Variants in CHRNA6 observed in about 807,000 individuals in gnomAD.
The protein encoded by CHRNA6 is cholinergic receptor nicotinic alpha 6 subunit.
Under a neutral mutation model 40.9 loss-of-function variants are expected in CHRNA6, and 31 were observed. The ratio of observed to expected loss-of-function variants is 0.76; its 90% CI spans 0.57 to 1.02. The LOEUF (loss-of-function observed/expected upper bound fraction) is 1.02, where lower values mean the gene tolerates loss of function less well. CHRNA6 is among the 50% of genes least tolerant of loss of function. CHRNA6 has a pLI of 0.00. For synonymous variants in CHRNA6, 222 were observed against 221.3 expected (o/e 1.00, Z -0.03); for missense variants, 546 against 596.6 (o/e 0.92, Z 0.88).
chr8:42,757,338 C>G (rs1457375842), intron 3 of CHRNA6, among the ~76,000 whole-genome samples: 1 of 146,844 alleles, frequency 6.8e-6, no homozygotes. Flanking sequence ...TGTACTACAG[C>G]CTGGGTGACT....
rs149125099 is a variant in CHRNA6 at position 42,766,673 on chromosome 8, C to T, written c.80-1469G>A. Among the ~76,000 whole-genome samples, 78 of 152,168 alleles carry T rather than the reference C, an allele frequency of 5.1e-4. 1 individual carries two copies. The East Asian group carries it at 0.011, about 22-fold the overall frequency. On this transcript the variant is annotated intron_variant, in intron 1 of 5. Transcript: ENST00000276410. ...AAACACTGCATGTTCTCACTTGAAACGGGGAGCTGAACAATGAGGACACAT... is the reference window on the plus strand; with the variant it reads ...AAACACTGCATGTTCTCACTTGAAATGGGGAGCTGAACAATGAGGACACAT...
At chr8:42,767,514 G>GA (rs368223392) in intron 1 of CHRNA6, among the ~76,000 whole-genome samples, 3 of 151,302 alleles carry the variant, frequency 2.0e-5, no homozygotes, top group Admixed American at 6.6e-5. Context: ...CACATTGAAA[G>GA]AAAAAAAATG....
At chr8:42,754,615 G>A (rs1048730741) in intron 5 of CHRNA6, among the ~76,000 whole-genome samples, 12 of 152,172 alleles carry the variant, frequency 7.9e-5, no homozygotes, top group African/African-American at 2.9e-4. Context: ...CGGACTTTCG[G>A]TTTCACAGTA....
chr8:42,768,348 C>T lies in CHRNA6; in HGVS notation c.79+4G>A, dbSNP rs80020392. ...ATAGAAGATAAAGCAGAAATGAAAC[C>T]TACCTTTAAAGAAAGGTGTGAACAC... On this transcript the variant is annotated splice_donor_region_variant and intron_variant, in intron 1 of 5. Transcript: ENST00000276410. 112 of 1,608,912 alleles carry T rather than the reference C, an allele frequency of 7.0e-5. No individual in the cohort carries two copies. The highest frequency in any genetic ancestry group is 9.3e-5 in the Non-Finnish European group (109 of 1,175,540).
intron 2 of CHRNA6, chr8:42,759,400 G>C: frequency 3.0e-6 from 1 of 330,860 alleles, no homozygotes; most frequent in African/African-American, 2.1e-5. Flanking sequence ...AGCCCATAAA[G>C]GTTTCTAGTT....
intron 1 of CHRNA6, among the ~76,000 whole-genome samples, chr8:42,767,252 C>T (rs1262023125): frequency 6.6e-6 from 1 of 152,230 alleles, no homozygotes; most frequent in African/African-American, 2.4e-5. Flanking sequence ...CAGGCATGAG[C>T]CACCGCGCCC....
At position 42,752,879 on chromosome 8, in the gene CHRNA6, TAAGTCA is replaced by T. The variant is rs945719871; in HGVS notation, c.*294_*299del. 61 of 250,436 alleles carry T rather than the reference TAAGTCA, an allele frequency of 2.4e-4. 1 individual carries two copies. In the South Asian group the frequency reaches 3.2e-3, roughly 13 times the overall value. The allele number at this position is 250,436 out of a possible 1,614,324, so 15.5% of individuals were successfully genotyped here. A position where few individuals can be genotyped will look rare whatever the true frequency, so the allele number is the denominator to read the frequency against. On this transcript the variant is annotated 3_prime_UTR_variant, in exon 6 of 6. Transcript: ENST00000276410. ...TTAATTACATAATTAGGCTGTATTG[TAAGTCA>T]TTCTTGTCTTTAGAAGCCAAACACA...
intron 2 of CHRNA6, among the ~76,000 whole-genome samples, chr8:42,761,337 G>GC (rs1265906543): frequency 6.6e-6 from 1 of 152,238 alleles, no homozygotes; most frequent in African/African-American, 2.4e-5. Context: ...CTGGTAATGA[G>GC]CGTCCCCTTG....
intron 2 of CHRNA6, among the ~76,000 whole-genome samples, chr8:42,764,175 T>TG (rs746247172): frequency 1.7e-4 from 26 of 152,078 alleles, no homozygotes; most frequent in South Asian, 1.0e-3. Flanking sequence ...CTCCCTGCAA[T>TG]GGGGGGGCGC....
At chr8:42,766,230 C>A (rs781184384) in intron 1 of CHRNA6, among the ~76,000 whole-genome samples, 1 of 152,138 alleles carries the variant, frequency 6.6e-6, no homozygotes, top group Non-Finnish European at 1.5e-5. Flanking sequence ...CGGTGGCTCA[C>A]GCCTGTAATC....
At chr8:42,757,200 T>C (rs1365167359) in intron 3 of CHRNA6, among the ~76,000 whole-genome samples, 163 bp from the exon 4 acceptor site, 1 of 151,354 alleles carries the variant, frequency 6.6e-6, no homozygotes, top group Non-Finnish European at 1.5e-5. Context: ...ACCCCGTCTC[T>C]ACTAAAAATA....
At chr8:42,756,887 A>T (rs200266773) in intron 4 of CHRNA6, 41 bp downstream of exon 4, 2 of 1,611,742 alleles carry the variant, frequency 1.2e-6, no homozygotes, top group South Asian at 1.1e-5. Context: ...ATACACCAAC[A>T]GCAGCTTTGG....
At chr8:42,755,495 T>C (rs1243224580) in intron 5 of CHRNA6, among the ~76,000 whole-genome samples, 1 of 152,210 alleles carries the variant, frequency 6.6e-6, no homozygotes, top group Non-Finnish European at 1.5e-5. Flanking sequence ...CATGCTGGTC[T>C]CAAACTCCTG....
chr8:42,756,813 T>G lies in CHRNA6; in HGVS notation c.386A>C (p.Asp129Ala). Reference sequence around the variant, plus strand: ...TTTTGTTTTGCCTTCTACTTGGAAGTCACCAACAGCACTGCAAAGCAAGTC... The same window carrying G: ...TTTTGTTTTGCCTTCTACTTGGAAGGCACCAACAGCACTGCAAAGCAAGTC... ...DIVLYNNAVG[D>A]FQVEGKTKAL... Residue 129 changes from aspartate to alanine, a missense_variant, in exon 5 of 6, where the codon GAC (aspartate) becomes GCC (alanine). Asp to Ala is a moderately radical substitution (Grantham distance 126, BLOSUM62 -2). This residue lies in a region of CHRNA6 where 476 missense variants were observed against 494.5 expected (regional missense o/e 0.96). Coordinates refer to ENST00000276410, the MANE Select transcript of CHRNA6 (RefSeq NM_004198.3). 2 of 1,607,606 alleles carry G rather than the reference T, an allele frequency of 1.2e-6. No individual in the cohort carries two copies. Among genetic ancestry groups the G allele is most frequent in the Non-Finnish European group, 8.5e-7 (1 of 1,177,924 alleles).
chr8:42,758,051 C>CA (rs768006638), intron 3 of CHRNA6, among the ~76,000 whole-genome samples: 2,134 of 142,664 alleles, frequency 0.015, 18 homozygotes, highest in Non-Finnish European at 0.02. Flanking sequence ...AACCAAAAAA[C>CA]AAAAAAAAAA....
In CHRNA6 at chr8:42,768,459, C is replaced by G; in HGVS notation, c.-29G>C. On this transcript the variant is annotated 5_prime_UTR_variant, in exon 1 of 6. Transcript: ENST00000276410. ...TAAAACACACTTGGATTCCTTTTTC[C>G]TAGGCAAAGGATTGTGGAAAACAAA... is the stretch of plus-strand genomic sequence containing the variant. 2 of 1,577,892 alleles carry G rather than the reference C, an allele frequency of 1.3e-6. No individual in the cohort carries two copies. Among genetic ancestry groups the G allele is most frequent in the Non-Finnish European group, 1.7e-6 (2 of 1,147,464 alleles).
intron 3 of CHRNA6, among the ~76,000 whole-genome samples, chr8:42,758,607 G>A (rs974744194): frequency 2.6e-5 from 4 of 152,092 alleles, no homozygotes; most frequent in Non-Finnish European, 2.9e-5. Context: ...CAGGTGATCC[G>A]CCCACCTTGG....
chr8:42,768,041 A>G (rs982276207), intron 1 of CHRNA6, among the ~76,000 whole-genome samples: 6 of 152,232 alleles, frequency 3.9e-5, no homozygotes, highest in African/African-American at 1.4e-4. Flanking sequence ...AAACATAACT[A>G]CAAATAAATA....
At chr8:42,762,937 G>T (rs1816925195) in intron 2 of CHRNA6, among the ~76,000 whole-genome samples, 1 of 152,186 alleles carries the variant, frequency 6.6e-6, no homozygotes, top group Non-Finnish European at 1.5e-5. Flanking sequence ...AATCTATAAT[G>T]ATCTCAAGAA....
Sources: gnomAD v4.1 joint callset for allele counts (sites outside exome capture counted in the v4.1 genomes callset) on GRCh38, gnomAD v4.1.1 for gene constraint, gnomAD v4.1.1 regional missense constraint, MANE v1.5 for transcripts, NCBI Gene and HGNC (gene_info 2026-07-23, HGNC 2026-07-21) for gene names.